Variants in TMEM132C observed in about 807,000 individuals in gnomAD.
TMEM132C encodes the protein transmembrane protein 132C, also known as protein phosphatase 1, regulatory subunit 152.
Under a neutral mutation model 61.4 loss-of-function variants are expected in TMEM132C, and 29 were observed. That is an observed-to-expected ratio of 0.47 (90% CI 0.35 to 0.64). TMEM132C has a LOEUF of 0.64. TMEM132C is among the 30% of genes least tolerant of loss of function. The pLI is 0.00. For synonymous variants in TMEM132C, 656 were observed against 633.1 expected, an observed-to-expected ratio of 1.04 and a Z score of -0.54; for missense variants, 1,408 against 1,476.9, an observed-to-expected ratio of 0.95 and a Z score of 0.76.
chr12:128,443,755 T>G (rs1869876335), intron 2 of TMEM132C, among the ~76,000 whole-genome samples: 1 of 152,172 alleles, frequency 6.6e-6, no homozygotes, highest in African/African-American at 2.4e-5. Context: ...GCTCGCTGTC[T>G]CCTGCTGCAA....
chr12:128,585,875 C>T (rs1875526010), intron 3 of TMEM132C, among the ~76,000 whole-genome samples: 1 of 152,026 alleles, frequency 6.6e-6, no homozygotes, highest in Non-Finnish European at 1.5e-5. Context: ...AGGGCGGGTG[C>T]CAGGGGCTGG....
intron 1 of TMEM132C, among the ~76,000 whole-genome samples, chr12:128,343,958 G>A (rs1238709266): frequency 6.6e-6 from 1 of 152,140 alleles, no homozygotes; most frequent in Non-Finnish European, 1.5e-5. Flanking sequence ...GTTGTTCATT[G>A]TGTCATTGCA....
At chr12:128,329,434 G>C (rs560412649) in intron 1 of TMEM132C, among the ~76,000 whole-genome samples, 1 of 152,168 alleles carries the variant, frequency 6.6e-6, no homozygotes, top group East Asian at 1.9e-4. Flanking sequence ...GGCTGAAGGC[G>C]TGTGGTAAAG....
chr12:128,705,481 G>C lies in TMEM132C; in HGVS notation c.2513G>C (p.Gly838Ala), dbSNP rs756603697. Residue 838 changes from glycine to alanine, a missense_variant, in exon 9 of 9, where the codon GGG (glycine) becomes GCG (alanine). By Grantham distance (60) the Gly-to-Ala change is moderately conservative. Transcript: ENST00000435159. The stretch of plus-strand genomic sequence containing the variant: ...CACCATGAGCGCACAGGCCAAGATG[G>C]GCACCTCTATGGCAGCTCTCCCGTG... ...GQHHERTGQD[G>A]HLYGSSPVER... 1.9e-6 allele frequency: 3 copies of C among 1,551,154 alleles called. No homozygotes were observed. The highest frequency in any genetic ancestry group is 1.7e-4 in the Middle Eastern group (1 of 5,992).
chr12:128,655,255 G>T (rs180852473), intron 4 of TMEM132C, among the ~76,000 whole-genome samples: 1 of 152,236 alleles, frequency 6.6e-6, no homozygotes, highest in Non-Finnish European at 1.5e-5. Context: ...TTGTTATACC[G>T]CACTGTGCGG....
chr12:128,542,186 C>T (rs192896169), intron 2 of TMEM132C, among the ~76,000 whole-genome samples: 1 of 152,286 alleles, frequency 6.6e-6, no homozygotes, highest in African/African-American at 2.4e-5. Context: ...CAGCTTGAAG[C>T]TCCATTTTGA....
At chr12:128,513,326 G>A (rs769563298) in intron 2 of TMEM132C, among the ~76,000 whole-genome samples, 1 of 152,100 alleles carries the variant, frequency 6.6e-6, no homozygotes, top group Non-Finnish European at 1.5e-5. Context: ...CAAGTATAGG[G>A]GAAGAGTCAG....
intron 1 of TMEM132C, among the ~76,000 whole-genome samples, chr12:128,378,318 A>G (rs977920329): frequency 1.6e-4 from 24 of 151,858 alleles, no homozygotes; most frequent in Non-Finnish European, 3.1e-4. Context: ...GGGTTTGACC[A>G]TGTTAGCCAG....
At chr12:128,270,264 T>C (rs911630626) in intron 1 of TMEM132C, among the ~76,000 whole-genome samples, 1 of 152,178 alleles carries the variant, frequency 6.6e-6, no homozygotes, top group African/African-American at 2.4e-5. Context: ...AGATTTAGAA[T>C]TACTGATATC....
At position 128,306,962 on chromosome 12, in the gene TMEM132C, TC is replaced by T. The variant is rs145115549; in HGVS notation, c.85+39477del. 3.3e-5 allele frequency among the ~76,000 whole-genome samples: 5 copies of T among 152,246 alleles called. No individual in the cohort carries two copies. In the East Asian group the frequency reaches 9.7e-4, roughly 29 times the overall value. ...CCCTACTAAAGAGGATATGGACTGG[TC>T]CTTTAGGTTAAGAGGGTGGTTGAAA... On this transcript the variant is annotated intron_variant, in intron 1 of 8. Transcript: ENST00000435159.
At position 128,543,921 on chromosome 12, in the gene TMEM132C, CCT is replaced by C. The variant is rs1038785573; in HGVS notation, c.975-35_975-34del. ...CACGTTGGAAAGGCCAAGCCTTAAC[CCT>C]GTCTCTCTCTCTCTCCCATCTTCAT... On this transcript the variant is annotated intron_variant, in intron 2 of 8. Coordinates refer to ENST00000435159, the MANE Select transcript of TMEM132C (RefSeq NM_001136103.3). 1.9e-6 allele frequency: 3 copies of C among 1,538,498 alleles called. No individual in the cohort carries two copies. In the African/African-American group the frequency reaches 4.2e-5, roughly 21 times the overall value.
intron 5 of TMEM132C, among the ~76,000 whole-genome samples, chr12:128,690,661 C>G (rs1049060116): frequency 3.3e-5 from 5 of 152,196 alleles, no homozygotes; most frequent in Admixed American, 2.0e-4. Context: ...AGATCCAGGA[C>G]AGTGTTTACC....
Position 128,544,014 on chromosome 12 carries a change from G to A in TMEM132C, c.1032G>A (p.Gln344=). 1 of 1,549,274 alleles carries A rather than the reference G, an allele frequency of 6.5e-7. No homozygotes were observed. The highest frequency in any genetic ancestry group is 1.2e-5 in the South Asian group (1 of 83,390). Residue 344 remains glutamine, a synonymous_variant, in exon 3 of 9, where the codon CAG becomes CAA. Transcript: ENST00000435159. ...GTGCTCAGACCCGTGAGCCCCGGCAGTGGGGCGTCAAGCAGGAGGTGGGCA... is the reference window on the plus strand; with the variant it reads ...GTGCTCAGACCCGTGAGCCCCGGCAATGGGGCGTCAAGCAGGAGGTGGGCA... ...ILSAQTREPR[Q]WGVKQEVGSG...
intron 5 of TMEM132C, among the ~76,000 whole-genome samples, chr12:128,670,727 A>G (rs377161747): frequency 1.3e-5 from 2 of 152,310 alleles, no homozygotes; most frequent in African/African-American, 4.8e-5. Flanking sequence ...CTGAATGCCT[A>G]CTGTAGCTAA....
intron 1 of TMEM132C, among the ~76,000 whole-genome samples, chr12:128,392,712 G>A (rs1028960332): frequency 6.6e-6 from 1 of 151,530 alleles, no homozygotes; most frequent in Admixed American, 6.6e-5. Flanking sequence ...TGGCTTCCCT[G>A]GGCCACACTG....
At chr12:128,561,492 T>C (rs1415011283) in intron 3 of TMEM132C, among the ~76,000 whole-genome samples, 1 of 152,194 alleles carries the variant, frequency 6.6e-6, no homozygotes, top group Non-Finnish European at 1.5e-5. Context: ...TTGGAAGGTC[T>C]TAGAGGAAGC....
At chr12:128,436,669 G>C (rs1487536723) in intron 2 of TMEM132C, among the ~76,000 whole-genome samples, 1 of 152,216 alleles carries the variant, frequency 6.6e-6, no homozygotes, top group Non-Finnish European at 1.5e-5. Flanking sequence ...AGGATGTGGA[G>C]AAATAGGAAC....
rs111409322 is a variant in TMEM132C at position 128,376,093 on chromosome 12, A to G, written c.86-38639A>G. On this transcript the variant is annotated intron_variant, in intron 1 of 8. Coordinates refer to ENST00000435159, the MANE Select transcript of TMEM132C (RefSeq NM_001136103.3). Reference sequence around the variant, plus strand: ...GTTTTCCCCTTTGGAGGAGGCTTACAGAGATAGTGATGACTTTGCAGCTGT... The same window carrying G: ...GTTTTCCCCTTTGGAGGAGGCTTACGGAGATAGTGATGACTTTGCAGCTGT... 4.6e-5 allele frequency among the ~76,000 whole-genome samples: 7 copies of G among 152,344 alleles called. 1 individual carries two copies. The highest frequency in any genetic ancestry group is 1.7e-4 in the African/African-American group (7 of 41,580).
intron 3 of TMEM132C, among the ~76,000 whole-genome samples, chr12:128,582,668 G>A (rs1465594583): frequency 1.3e-5 from 2 of 152,032 alleles, no homozygotes; most frequent in African/African-American, 2.4e-5. Flanking sequence ...ATTTTCTCTT[G>A]CCACCGCCAT....
Sources: allele counts gnomAD v4.1 joint callset (sites outside exome capture counted in the v4.1 genomes callset), GRCh38; gene constraint gnomAD v4.1.1; transcripts MANE v1.5; gene names NCBI Gene and HGNC (gene_info 2026-07-23, HGNC 2026-07-21).